The following ANKRD11 variants were observed in gnomAD, a reference collection of about 807,000 sequenced individuals.
ANKRD11 encodes ankyrin repeat domain-containing protein 11.
ANKRD11 carries 17 observed loss-of-function variants against 195.7 expected under a neutral mutation model. That is an observed-to-expected ratio of 0.09 (90% CI 0.06 to 0.13). The LOEUF (loss-of-function observed/expected upper bound fraction) is 0.13. ANKRD11 is among the 10% of genes least tolerant of loss of function. The probability of loss-of-function intolerance (pLI) is 1.00; values close to 1 mark genes in which losing one functional copy is unlikely to be tolerated. For synonymous variants in ANKRD11, 1,953 were observed against 1,528.1 expected (o/e 1.28, Z -6.49); for missense variants, 3,735 against 3,566.1 (o/e 1.05, Z -1.21).
chr16:89,354,689 C>T (rs527480146), intron 2 of ANKRD11, among the ~76,000 whole-genome samples: 118 of 152,330 alleles, frequency 7.7e-4, no homozygotes, highest in African/African-American at 2.7e-3. Flanking sequence ...CAAGACCAGC[C>T]TGGCTAACAC....
At chr16:89,489,230 C>CAT (rs2057724692) in intron 1 of ANKRD11, 1 of 39,600 alleles carries the variant, frequency 2.5e-5, no homozygotes, top group African/African-American at 5.8e-5. Context: ...CACACACGCG[C>CAT]GCGCGCGCGC....
chr16:89,490,144 C>T (rs1241638962), intron 1 of ANKRD11, 101 bp downstream of exon 1: 1 of 149,396 alleles, frequency 6.7e-6, no homozygotes, highest in Non-Finnish European at 1.5e-5. Context: ...CGGAGGCCCG[C>T]GGCGCAGCTC....
At position 89,385,169 on chromosome 16, in the gene ANKRD11, C is replaced by G. The variant is rs142628739; in HGVS notation, c.-60+33115G>C. 4.8e-3 allele frequency among the ~76,000 whole-genome samples: 723 copies of G among 151,404 alleles called. 9 individuals are homozygous for G. The highest frequency in any genetic ancestry group is 0.016 in the African/African-American group (680 of 41,256). ...GGGATTACAGGCGTGAGCCACTGTA[C>G]CCGGCCTTGAGAAATGGTGTTTTTT... On this transcript the variant is annotated intron_variant, in intron 2 of 12. Transcript: ENST00000301030.
intron 3 of ANKRD11, among the ~76,000 whole-genome samples, chr16:89,309,683 C>A (rs952607627): frequency 7.7e-4 from 117 of 152,380 alleles, no homozygotes; most frequent in African/African-American, 2.7e-3. Context: ...GCCTGCTGGG[C>A]AGCTGGGGTG....
intron 4 of ANKRD11, among the ~76,000 whole-genome samples, chr16:89,292,361 C>G (rs565715803): frequency 6.6e-6 from 1 of 152,190 alleles, no homozygotes; most frequent in African/African-American, 2.4e-5. Context: ...GAACACAGAA[C>G]GGTCTTAACT....
chr16:89,284,409 G>A lies in ANKRD11; in HGVS notation c.2133C>T (p.Leu711=). 1 of 1,613,574 alleles carries A rather than the reference G, an allele frequency of 6.2e-7. No homozygotes were observed. Among genetic ancestry groups the A allele is most frequent in the Non-Finnish European group, 8.5e-7 (1 of 1,179,988 alleles). Residue 711 remains leucine (L), a synonymous_variant, in exon 9 of 13, where the codon CTC becomes CTT. Transcript: ENST00000301030. ...TCTTCAGTGATTTTTCATCTTTAAA[G>A]AGCCATTCTTTTTCTTCTAATTTCA... The part of the protein sequence containing the change: ...SKMKLEEKEW[L]FKDEKSLKRI...
Position 89,351,224 on chromosome 16 carries a change from G to A in ANKRD11, c.-59-34146C>T, listed in dbSNP as rs142457711. ...GGCAGCTGGTGGTGGGCATGGGCGA[G>A]GGGTTCCACGGCAAAGAATGAAATT... On this transcript the variant is annotated intron_variant, in intron 2 of 12. Transcript: ENST00000301030. Among the ~76,000 whole-genome samples, 725 of 152,304 alleles carry A rather than the reference G, an allele frequency of 4.8e-3. 5 individuals carry two copies. The highest frequency in any genetic ancestry group is 0.017 in the African/African-American group (701 of 41,558).
Position 89,470,055 on chromosome 16 carries a change from G to A in ANKRD11, c.-145+20190C>T, listed in dbSNP as rs1403569018. 2.7e-5 allele frequency among the ~76,000 whole-genome samples: 4 copies of A among 149,636 alleles called. No homozygotes were observed. The East Asian group carries it at 6.3e-4, about 24-fold the overall frequency. On this transcript the variant is annotated intron_variant, in intron 1 of 12. Transcript: ENST00000301030. ...CGAGTAGCTGGGACTACAGGCGCCC[G>A]CCACCACGCCCGGCTAATTTTTTTG...
intron 2 of ANKRD11, among the ~76,000 whole-genome samples, chr16:89,390,804 C>T (rs1474049048): frequency 6.6e-6 from 1 of 152,186 alleles, no homozygotes; most frequent in African/African-American, 2.4e-5. Flanking sequence ...GAGGAGGTTC[C>T]TGGAGCTCTG....
In ANKRD11 at chr16:89,282,185, T is replaced by C; in HGVS notation, c.4357A>G (p.Ile1453Val). Residue 1453 changes from isoleucine (I) to valine (V), a missense_variant, in exon 9 of 13, where the codon ATC (isoleucine) becomes GTC (valine). Transcript: ENST00000301030. ...KELKPYGSSA[I>V]NILKEKKKRE... The stretch of plus-strand genomic sequence containing the variant: ...TTCTTCTTCTCTTTTAGGATGTTGA[T>C]GGCACTAGATCCATAAGGCTTTAGT... 1 of 1,614,192 alleles carries C rather than the reference T, an allele frequency of 6.2e-7. No homozygotes were observed. The highest frequency in any genetic ancestry group is 1.7e-5 in the Admixed American group (1 of 60,022).
At chr16:89,301,893 A>C (rs2035878276) in intron 4 of ANKRD11, among the ~76,000 whole-genome samples, 1 of 152,170 alleles carries the variant, frequency 6.6e-6, no homozygotes, top group South Asian at 2.1e-4. Flanking sequence ...AGCCATCCCC[A>C]CAGCAACATG....
rs1206490124 is a variant in ANKRD11, at chr16:89,288,606, A to T, written c.666T>A (p.Ala222=). 1 of 1,614,016 alleles carries T rather than the reference A, an allele frequency of 6.2e-7. No homozygotes were observed. The highest frequency in any genetic ancestry group is 8.5e-7 in the Non-Finnish European group (1 of 1,180,030). The change falls in exon 7 of 13, where the codon GCT becomes GCA. Residue 222 remains alanine, a synonymous_variant. Transcript: ENST00000301030. ...GYYDVAKQLL[A]AGAEVNTKGL... ...CCTTGGTGTTCACCTCCGCACCTGC[A>T]GCCAGCAGCTGCTTCGCGACGTCGT...
chr16:89,342,852 C>A (rs560470261), intron 2 of ANKRD11, among the ~76,000 whole-genome samples: 8 of 152,096 alleles, frequency 5.3e-5, no homozygotes, highest in Non-Finnish European at 1.0e-4. Context: ...TTTCTGTGAT[C>A]GTTTATGCCC....
intron 1 of ANKRD11, among the ~76,000 whole-genome samples, chr16:89,435,713 G>A (rs999892373): frequency 7.3e-5 from 11 of 150,714 alleles, no homozygotes; most frequent in African/African-American, 2.4e-4. Context: ...ACGTACTTTC[G>A]TTCTGTCCTG....
chr16:89,373,012 G>C (rs2040261868), intron 2 of ANKRD11: 1 of 152,224 alleles, frequency 6.6e-6, no homozygotes, highest in Non-Finnish European at 1.5e-5. Context: ...CACAGTACGT[G>C]CGTTCACTGC....
At chr16:89,329,428 T>TAA (rs2037929925) in intron 2 of ANKRD11, among the ~76,000 whole-genome samples, 3 of 152,128 alleles carry the variant, frequency 2.0e-5, no homozygotes, top group Non-Finnish European at 2.9e-5. Context: ...ACACAAGGGG[T>TAA]GTAAGGAGAC....
At chr16:89,271,157 AG>A in intron 11 of ANKRD11, 1 of 547,348 alleles carries the variant, frequency 1.8e-6, no homozygotes, top group Non-Finnish European at 3.3e-6. Context: ...GGGTGCCCGC[AG>A]GCCCCACCTG....
chr16:89,328,126 G>C (rs562691724), intron 2 of ANKRD11, among the ~76,000 whole-genome samples: 1 of 144,470 alleles, frequency 6.9e-6, no homozygotes, highest in Admixed American at 7.1e-5. Flanking sequence ...AAGCCGTTAG[G>C]GAAACACAAC....
At chr16:89,394,847 ACTC>A (rs1308118047) in intron 2 of ANKRD11, among the ~76,000 whole-genome samples, 3 of 151,910 alleles carry the variant, frequency 2.0e-5, no homozygotes, top group African/African-American at 7.3e-5. Flanking sequence ...AAACGTCCAG[ACTC>A]CTCATTTCCA....
Sources: allele counts gnomAD v4.1 joint callset (sites outside exome capture counted in the v4.1 genomes callset), GRCh38; gene constraint gnomAD v4.1.1; transcripts MANE v1.5; gene names NCBI Gene and HGNC (gene_info 2026-07-23, HGNC 2026-07-21).